Variants in CPNE4 observed in about 807,000 individuals in gnomAD.
The protein encoded by CPNE4 is copine 4.
In CPNE4, 25 loss-of-function variants were observed where a neutral mutation model predicts 67.9. The ratio of observed to expected loss-of-function variants is 0.37; its 90% CI spans 0.27 to 0.51. CPNE4 has a LOEUF of 0.51. CPNE4 is among the 20% of genes least tolerant of loss of function. The pLI is 0.93. For missense variants in CPNE4, 464 were observed against 690.8 expected (o/e 0.67, Z 3.68); for synonymous variants, 242 against 244.9 (o/e 0.99, Z 0.11).
intron 14 of CPNE4, among the ~76,000 whole-genome samples, chr3:131,548,171 T>C (rs2107639614): frequency 6.6e-6 from 1 of 152,274 alleles, no homozygotes; most frequent in Admixed American, 6.5e-5. Context: ...ACACTGTATT[T>C]TCTGGCGTAC....
intron 1 of CPNE4, among the ~76,000 whole-genome samples, chr3:131,922,196 A>C (rs1482737915): frequency 6.6e-6 from 1 of 152,146 alleles, no homozygotes; most frequent in Non-Finnish European, 1.5e-5. Context: ...TCCTACATTA[A>C]TTCACTCAGG....
chr3:131,908,789 T>A (rs2088862218), intron 1 of CPNE4, among the ~76,000 whole-genome samples: 1 of 152,166 alleles, frequency 6.6e-6, no homozygotes, highest in Admixed American at 6.6e-5. Context: ...TAATTCCCGA[T>A]TCAAATCCTG....
chr3:131,869,697 CAT>C (rs574246231), intron 2 of CPNE4, among the ~76,000 whole-genome samples: 44 of 152,278 alleles, frequency 2.9e-4, no homozygotes, highest in Non-Finnish European at 4.4e-4. Context: ...ACAGCACAAT[CAT>C]AACTACATAG....
intron 7 of CPNE4, among the ~76,000 whole-genome samples, chr3:131,667,667 C>T (rs1439541971): frequency 6.6e-6 from 1 of 151,742 alleles, no homozygotes; most frequent in African/African-American, 2.4e-5. Context: ...TTCCTTCTCA[C>T]ATTCTTTCTT....
intron 8 of CPNE4, among the ~76,000 whole-genome samples, chr3:131,586,834 C>T (rs1396745089): frequency 6.6e-6 from 1 of 151,922 alleles, no homozygotes; most frequent in Non-Finnish European, 1.5e-5. Flanking sequence ...GTTTGGGTTT[C>T]TGTGTGGGAC....
intron 9 of CPNE4, among the ~76,000 whole-genome samples, chr3:131,577,853 GTC>G (rs1937588011): frequency 1.3e-5 from 2 of 152,106 alleles, no homozygotes; most frequent in African/African-American, 4.8e-5. Context: ...TGGGAGTACT[GTC>G]ATATCGGTGG....
At chr3:131,850,000 C>A (rs1297095391) in intron 2 of CPNE4, among the ~76,000 whole-genome samples, 1 of 152,048 alleles carries the variant, frequency 6.6e-6, no homozygotes, top group Non-Finnish European at 1.5e-5. Flanking sequence ...TAACTCTATT[C>A]TTCATTGTGA....
intron 7 of CPNE4, among the ~76,000 whole-genome samples, chr3:131,660,823 G>A (rs1424506782): frequency 1.3e-5 from 2 of 152,078 alleles, no homozygotes; most frequent in Non-Finnish European, 2.9e-5. Flanking sequence ...ACATTTCCTG[G>A]TTTCTCTTGC....
intron 2 of CPNE4, among the ~76,000 whole-genome samples, chr3:131,774,276 A>G (rs2083241454): frequency 6.6e-6 from 1 of 151,966 alleles, no homozygotes; most frequent in Non-Finnish European, 1.5e-5. Context: ...AGCCAAAAAT[A>G]CAGCAGGGGA....
At chr3:131,799,754 C>T (rs1477082860) in intron 2 of CPNE4, among the ~76,000 whole-genome samples, 2 of 152,100 alleles carry the variant, frequency 1.3e-5, no homozygotes, top group African/African-American at 2.4e-5. Context: ...CAGTGGCCTC[C>T]ATGTGCAGAT....
At chr3:131,813,191 T>G (rs1391840015) in intron 2 of CPNE4, among the ~76,000 whole-genome samples, 1 of 151,918 alleles carries the variant, frequency 6.6e-6, no homozygotes, top group Non-Finnish European at 1.5e-5. Context: ...GAAGACTATG[T>G]TGAAATTAAA....
intron 2 of CPNE4, among the ~76,000 whole-genome samples, chr3:131,893,102 T>A (rs111400173): frequency 6.6e-6 from 1 of 152,112 alleles, no homozygotes; most frequent in East Asian, 1.9e-4. Context: ...CACCTCATTT[T>A]TAAAGGCAAA....
chr3:131,829,343 T>A (rs1268744578), intron 2 of CPNE4, among the ~76,000 whole-genome samples: 1 of 152,220 alleles, frequency 6.6e-6, no homozygotes, highest in Non-Finnish European at 1.5e-5. Flanking sequence ...AGAACTTATA[T>A]AGAATATCTT....
intron 7 of CPNE4, among the ~76,000 whole-genome samples, chr3:131,651,984 A>C (rs1416820658): frequency 6.6e-6 from 1 of 152,200 alleles, no homozygotes; most frequent in Non-Finnish European, 1.5e-5. Context: ...CCAGTTCTAC[A>C]GGATCCAGAA....
At chr3:131,734,397 G>T (rs2082191749) in intron 2 of CPNE4, among the ~76,000 whole-genome samples, 1 of 152,194 alleles carries the variant, frequency 6.6e-6, no homozygotes, top group African/African-American at 2.4e-5. Context: ...TCAATTGAGG[G>T]ATTGGTGGAA....
chr3:132,014,920 C>T (rs144588063), intron 1 of CPNE4, among the ~76,000 whole-genome samples: 81 of 152,162 alleles, frequency 5.3e-4, no homozygotes, highest in African/African-American at 1.9e-3. Flanking sequence ...TAAAATATCT[C>T]TGTATTCTTA....
chr3:131,705,138 C>T (rs1286438292), intron 3 of CPNE4, among the ~76,000 whole-genome samples: 1 of 145,992 alleles, frequency 6.8e-6, no homozygotes, highest in African/African-American at 2.5e-5. Flanking sequence ...AATTTTTATT[C>T]ATTTTTCAAG....
At chr3:131,871,369 G>C (rs2087193565) in intron 2 of CPNE4, among the ~76,000 whole-genome samples, 1 of 152,002 alleles carries the variant, frequency 6.6e-6, no homozygotes, top group African/African-American at 2.4e-5. Flanking sequence ...GATGACTGAG[G>C]AGTCTTCTTG....
At chr3:132,012,813 T>C (rs1229071615) in intron 1 of CPNE4, among the ~76,000 whole-genome samples, 1 of 152,232 alleles carries the variant, frequency 6.6e-6, no homozygotes, top group African/African-American at 2.4e-5. Context: ...GTCTAAGTAC[T>C]ATGACATTAA....
Sources: allele counts gnomAD v4.1 joint callset (sites outside exome capture counted in the v4.1 genomes callset), GRCh38; gene constraint gnomAD v4.1.1; transcripts MANE v1.5; gene names NCBI Gene and HGNC (gene_info 2026-07-23, HGNC 2026-07-21).